DOCK3: variants seen among roughly 807,000 people sequenced by gnomAD.
The protein encoded by DOCK3 is dedicator of cytokinesis 3.
DOCK3 carries 60 observed loss-of-function variants against 265.6 expected under a neutral mutation model. The observed-to-expected ratio is 0.23, with a 90% CI of 0.18 to 0.28. The LOEUF is 0.28. Ranked by LOEUF, DOCK3 falls within the 10% of genes least tolerant of loss-of-function variation. The pLI is 1.00. For synonymous variants in DOCK3, 881 were observed against 938.0 expected, an observed-to-expected ratio of 0.94 and a Z score of 1.11; for missense variants, 1,981 against 2,594.3, an observed-to-expected ratio of 0.76 and a Z score of 5.14.
chr3:50,675,317 C>T lies in DOCK3; in HGVS notation c.37+17C>T. ...ACGGCGTAGGTAGGTGAGGCTCAGG[C>T]CTGGCCGTGGCGGGGGTTCTGGGGG... On this transcript the variant is annotated intron_variant, in intron 1 of 52. Transcript: ENST00000266037. The surrounding 1 kb of genome is among the most constrained non-coding windows in gnomAD (Gnocchi z 6.1). 1 of 1,254,856 alleles carries T rather than the reference C, an allele frequency of 8.0e-7. No individual in the cohort carries two copies. Among genetic ancestry groups the T allele is most frequent in the Non-Finnish European group, 1.0e-6 (1 of 985,918 alleles). The allele number at this position is 1,254,856 out of a possible 1,614,324, so 77.7% of individuals were successfully genotyped here.
chr3:51,272,041 T>C (rs2080530499), intron 24 of DOCK3, among the ~76,000 whole-genome samples: 1 of 152,164 alleles, frequency 6.6e-6, no homozygotes, highest in Non-Finnish European at 1.5e-5. Flanking sequence ...GCCTAGTCTG[T>C]CTTTCACAAA....
At chr3:51,073,319 T>TATA (rs5848914) in intron 6 of DOCK3, among the ~76,000 whole-genome samples, 137,012 of 152,050 alleles carry the variant, frequency 0.9, 61,927 homozygotes, top group African/African-American at 0.95. Context: ...AAATTATCTT[T>TATA]ATGTCAGTTG....
At chr3:51,165,277 G>A (rs983847854) in intron 12 of DOCK3, among the ~76,000 whole-genome samples, 1 of 152,112 alleles carries the variant, frequency 6.6e-6, no homozygotes, top group Non-Finnish European at 1.5e-5. Flanking sequence ...AAGGCCCATT[G>A]GGCCATCCTC....
At chr3:50,719,670 G>T in intron 1 of DOCK3, 1 of 1,564,354 alleles carries the variant, frequency 6.4e-7, no homozygotes. Flanking sequence ...GTTGGGTCCA[G>T]CATTTGACAT....
Position 51,079,939 on chromosome 3 carries a change from G to A in DOCK3, c.549+4499G>A, listed in dbSNP as rs531416385. Among the ~76,000 whole-genome samples, 5 of 152,240 alleles carry A rather than the reference G, an allele frequency of 3.3e-5. No individual in the cohort carries two copies. The East Asian group carries it at 9.6e-4, about 29-fold the overall frequency. On this transcript the variant is annotated intron_variant, in intron 7 of 52. Coordinates refer to ENST00000266037, the MANE Select transcript of DOCK3 (RefSeq NM_004947.5). ...CATTATTATCCATCCACATTATCATGTATTGGGATTTGTGTTTGCCTGTTG... is the reference window on the plus strand; with the variant it reads ...CATTATTATCCATCCACATTATCATATATTGGGATTTGTGTTTGCCTGTTG...
At chr3:50,720,206 T>G (rs1446420735) in intron 1 of DOCK3, among the ~76,000 whole-genome samples, 1 of 152,176 alleles carries the variant, frequency 6.6e-6, no homozygotes, top group Non-Finnish European at 1.5e-5. Flanking sequence ...TTGCGTGTTA[T>G]GGAGGTTTGT....
In DOCK3 at chr3:51,270,913, C is replaced by T; in HGVS notation, c.2454C>T (p.Ser818=). 6.2e-7 allele frequency: 1 copy of T among 1,614,046 alleles called. No homozygotes were observed. The highest frequency in any genetic ancestry group is 8.5e-7 in the Non-Finnish European group (1 of 1,179,900). Residue 818 remains serine, a synonymous_variant, in exon 24 of 53, where the codon AGC becomes AGT. Coordinates refer to ENST00000266037, the MANE Select transcript of DOCK3 (RefSeq NM_004947.5). ...VAEFVRGTLG[S]MPSTVHIGQS... The stretch of plus-strand genomic sequence containing the variant: ...AGTTTGTGAGAGGGACACTGGGGAG[C>T]ATGCCCAGCACTGTGCACATTGGGC...
chr3:51,014,099 T>G (rs2079057531), intron 5 of DOCK3, among the ~76,000 whole-genome samples: 1 of 152,064 alleles, frequency 6.6e-6, no homozygotes, highest in Non-Finnish European at 1.5e-5. Flanking sequence ...GAAAGGGGAA[T>G]CCCCCGACCC....
chr3:50,858,422 TATAATAATA>T lies in DOCK3; in HGVS notation c.162+16730_162+16738del, dbSNP rs149503894. On this transcript the variant is annotated intron_variant, in intron 3 of 52. Coordinates refer to ENST00000266037, the MANE Select transcript of DOCK3 (RefSeq NM_004947.5). ...TGCACATGTACCCTGTAACTTAAAATATAATAATAATAATAATAATAATAATAATAAAAA... is the reference window on the plus strand; with the variant it reads ...TGCACATGTACCCTGTAACTTAAAATATAATAATAATAATAATAATAAAAA... Among the ~76,000 whole-genome samples, 113 of 124,088 alleles carry T rather than the reference TATAATAATA, an allele frequency of 9.1e-4. 1 individual carries two copies. Among genetic ancestry groups the T allele is most frequent in the African/African-American group, 2.2e-3 (83 of 37,458 alleles). The allele number at this position is 124,088 out of a possible 152,430, so 81.4% of individuals were successfully genotyped here.
intron 27 of DOCK3, among the ~76,000 whole-genome samples, chr3:51,286,631 A>G (rs573629903): frequency 6.6e-6 from 1 of 152,296 alleles, no homozygotes; most frequent in South Asian, 2.1e-4. Context: ...ACATAGACCA[A>G]AGGAACAGAA....
intron 49 of DOCK3, among the ~76,000 whole-genome samples, chr3:51,367,559 T>A (rs577325155): frequency 2.6e-4 from 40 of 152,338 alleles, no homozygotes; most frequent in African/African-American, 8.7e-4. Flanking sequence ...ATTTTGCTCG[T>A]TAGTTGATGC....
chr3:50,784,550 G>A (rs970414934), intron 2 of DOCK3, among the ~76,000 whole-genome samples: 5 of 152,168 alleles, frequency 3.3e-5, no homozygotes, highest in Non-Finnish European at 7.4e-5. Flanking sequence ...TGTGAAGAAT[G>A]ATGGTGATAT....
chr3:51,115,747 GA>G (rs751085172), intron 9 of DOCK3, among the ~76,000 whole-genome samples: 2 of 152,124 alleles, frequency 1.3e-5, no homozygotes, highest in Admixed American at 6.6e-5. Flanking sequence ...ATATTGCCTA[GA>G]TTTTCTTCTA....
At chr3:51,124,316 A>G (rs779585214) in intron 9 of DOCK3, among the ~76,000 whole-genome samples, 4 of 152,052 alleles carry the variant, frequency 2.6e-5, no homozygotes, top group Non-Finnish European at 4.4e-5. Flanking sequence ...ATACAACTGA[A>G]TTGTTCTATA....
intron 2 of DOCK3, among the ~76,000 whole-genome samples, chr3:50,823,430 C>G (rs566120690): frequency 2.0e-5 from 3 of 152,296 alleles, no homozygotes; most frequent in Middle Eastern, 3.4e-3. Context: ...CGCCCTTAAT[C>G]CATTCAACCC....
intron 21 of DOCK3, among the ~76,000 whole-genome samples, chr3:51,242,672 A>C (rs181124328): frequency 6.6e-6 from 1 of 152,148 alleles, no homozygotes; most frequent in East Asian, 1.9e-4. Flanking sequence ...AGGATCTGCT[A>C]TTCTCTGCAC....
chr3:51,061,479 G>A (rs192657837), intron 5 of DOCK3, among the ~76,000 whole-genome samples: 228 of 151,756 alleles, frequency 1.5e-3, no homozygotes, highest in African/African-American at 5.3e-3. Context: ...ACCAAACACC[G>A]CATGTTCTCA....
chr3:50,698,541 T>TTTTTTTTTTTTTTTTTTTTTTTTTTTC, intron 1 of DOCK3, among the ~76,000 whole-genome samples: 1 of 131,078 alleles, frequency 7.6e-6, no homozygotes, highest in African/African-American at 2.9e-5. Context: ...TTTTTTTTTT[T>TTTTTTTTTTTTTTTTTTTTTTTTTTTC]TGCTATATAC....
At chr3:50,690,784 A>G (rs2035179442) in intron 1 of DOCK3, among the ~76,000 whole-genome samples, 1 of 151,730 alleles carries the variant, frequency 6.6e-6, no homozygotes, top group Admixed American at 6.6e-5. Flanking sequence ...CTGGGACTAC[A>G]GGCAGGCACC....
Sources: gnomAD v4.1 joint callset for allele counts (sites outside exome capture counted in the v4.1 genomes callset) on GRCh38, gnomAD v4.1.1 for gene constraint, Gnocchi (gnomAD v3.1) non-coding constraint, MANE v1.5 for transcripts, NCBI Gene and HGNC (gene_info 2026-07-23, HGNC 2026-07-21) for gene names.